PCDHA2: variants seen among roughly 807,000 people sequenced by gnomAD.
PCDHA2 encodes the protein protocadherin alpha-2.
A neutral mutation model predicts 66.0 loss-of-function variants in PCDHA2; 58 were observed. That is an observed-to-expected ratio of 0.88 (90% CI 0.71 to 1.09). The LOEUF is 1.09. Ranked by LOEUF, PCDHA2 falls within the 50% of genes least tolerant of loss-of-function variation. The pLI, the probability that PCDHA2 is intolerant of heterozygous loss-of-function variation, is 0.00. For missense variants in PCDHA2, 1,267 were observed against 1,242.3 expected (o/e 1.02, Z -0.30); for synonymous variants, 634 against 554.0 (o/e 1.14, Z -2.03).
intron 1 of PCDHA2, among the ~76,000 whole-genome samples, chr5:140,934,801 A>G (rs1470129792): frequency 1.3e-5 from 2 of 152,194 alleles, no homozygotes; most frequent in Non-Finnish European, 2.9e-5. Flanking sequence ...TATCTTTTTA[A>G]TGATCAAATT....
At chr5:140,934,129 T>G (rs150501213) in intron 1 of PCDHA2, among the ~76,000 whole-genome samples, 326 of 152,294 alleles carry the variant, frequency 2.1e-3, no homozygotes, top group African/African-American at 7.4e-3. Context: ...CTTTATTAAT[T>G]TATTTCCTTC....
At chr5:140,924,811 C>A (rs1209918868) in intron 1 of PCDHA2, among the ~76,000 whole-genome samples, 6 of 151,654 alleles carry the variant, frequency 4.0e-5, no homozygotes, top group Admixed American at 3.3e-4. Context: ...AAGAGAATCG[C>A]TTGAACCTGG....
At chr5:140,802,467 G>A (rs1279226863) in intron 1 of PCDHA2, 2 of 1,614,106 alleles carry the variant, frequency 1.2e-6, no homozygotes, top group Non-Finnish European at 1.7e-6. Context: ...CTATGAGCTG[G>A]TGGTGACTGC....
intron 1 of PCDHA2, among the ~76,000 whole-genome samples, chr5:140,871,917 C>T (rs1156778814): frequency 2.0e-5 from 3 of 152,178 alleles, no homozygotes; most frequent in Admixed American, 2.0e-4. Context: ...CTTGATATTT[C>T]CACATTGTTA....
intron 1 of PCDHA2, chr5:140,864,242 T>C (rs978090917): frequency 6.6e-6 from 1 of 152,208 alleles, no homozygotes; most frequent in Non-Finnish European, 1.5e-5. Flanking sequence ...TTATTCCTAT[T>C]CATTTTCTTA....
intron 3 of PCDHA2, among the ~76,000 whole-genome samples, chr5:140,990,850 T>C (rs528860965): frequency 3.3e-5 from 5 of 152,312 alleles, no homozygotes; most frequent in African/African-American, 1.2e-4. Context: ...AATAGAGCCC[T>C]GAGGACATTG....
intron 3 of PCDHA2, among the ~76,000 whole-genome samples, chr5:140,999,772 T>A (rs1186405321): frequency 6.6e-6 from 1 of 152,182 alleles, no homozygotes; most frequent in Non-Finnish European, 1.5e-5. Flanking sequence ...CTTTATACTC[T>A]TAACCTAGAA....
chr5:140,884,820 T>C (rs1318105542), intron 1 of PCDHA2: 4 of 1,013,184 alleles, frequency 3.9e-6, no homozygotes, highest in African/African-American at 3.3e-5. Context: ...GTGGACATTA[T>C]GTGTTGGATT....
At chr5:140,829,700 G>A (rs188962276) in intron 1 of PCDHA2, 3 of 1,613,364 alleles carry the variant, frequency 1.9e-6, no homozygotes, top group Non-Finnish European at 1.7e-6. Flanking sequence ...TCAGGTGAGC[G>A]CGCGCGACGC....
intron 1 of PCDHA2, among the ~76,000 whole-genome samples, chr5:140,908,277 T>C (rs2073893618): frequency 6.6e-6 from 1 of 152,162 alleles, no homozygotes; most frequent in Non-Finnish European, 1.5e-5. Context: ...CATGAGGCCA[T>C]TGTTGCAAGC....
intron 1 of PCDHA2, chr5:140,801,405 A>G (rs1762701122): frequency 6.2e-7 from 1 of 1,613,620 alleles, no homozygotes; most frequent in African/African-American, 1.3e-5. Flanking sequence ...GGCGTCCAAA[A>G]GACACGGGGA....
chr5:140,974,944 T>C (rs1216786290), intron 1 of PCDHA2, among the ~76,000 whole-genome samples: 1 of 152,210 alleles, frequency 6.6e-6, no homozygotes, highest in African/African-American at 2.4e-5. Context: ...ACCTATTTGT[T>C]ATCTCACAGT....
chr5:140,925,673 T>TAATAAA (rs2082657999), intron 1 of PCDHA2, among the ~76,000 whole-genome samples: 1 of 146,030 alleles, frequency 6.8e-6, no homozygotes, highest in Non-Finnish European at 1.5e-5. Context: ...ATAATAATAA[T>TAATAAA]AATAAAGCGA....
chr5:140,955,951 T>C (rs529805581), intron 1 of PCDHA2, among the ~76,000 whole-genome samples: 12 of 152,248 alleles, frequency 7.9e-5, no homozygotes, highest in South Asian at 2.1e-4. Context: ...GTCTACTTGC[T>C]TGTTGTTTGT....
rs1554204518 is a variant in PCDHA2 at position 140,927,427 on chromosome 5, G to A, written c.2389-51522G>A. Reference sequence around the variant, plus strand: ...CCTGGACATGGGATCGCGGGTTGACGGCAGCGAATACCCGGAGTTGGTGTT... The same window carrying A: ...CCTGGACATGGGATCGCGGGTTGACAGCAGCGAATACCCGGAGTTGGTGTT... On this transcript the variant is annotated intron_variant, in intron 1 of 3. Transcript: ENST00000526136. 1.2e-6 allele frequency: 2 copies of A among 1,614,114 alleles called. No homozygotes were observed. Among genetic ancestry groups the A allele is most frequent in the Non-Finnish European group, 1.7e-6 (2 of 1,179,974 alleles).
chr5:140,926,852 T>C, intron 1 of PCDHA2: 2 of 1,517,714 alleles, frequency 1.3e-6, no homozygotes, highest in Non-Finnish European at 1.8e-6. Flanking sequence ...GGGTCACCGT[T>C]GGTGTAGCGT....
chr5:140,967,800 TGGCA>T, intron 1 of PCDHA2: 1 of 1,614,174 alleles, frequency 6.2e-7, no homozygotes, highest in Non-Finnish European at 8.5e-7. Context: ...CCAGTGCCCA[TGGCA>T]GGTCACTGCA....
In PCDHA2 at chr5:140,803,346, CT is replaced by C. The variant is rs781805897; in HGVS notation, c.2388+5995del. 6 of 1,614,078 alleles carry C rather than the reference CT, an allele frequency of 3.7e-6. No individual in the cohort carries two copies. In the Admixed American group the frequency reaches 8.3e-5, roughly 22 times the overall value. ...CAGTCTGTTGGTGCTCACACTGCTG[CT>C]ATATACTGCTCTGCGGTGCTCCGCG... On this transcript the variant is annotated intron_variant, in intron 1 of 3. Coordinates refer to ENST00000526136, the MANE Select transcript of PCDHA2 (RefSeq NM_018905.3).
chr5:140,862,746 C>A, intron 1 of PCDHA2: 2 of 577,770 alleles, frequency 3.5e-6, no homozygotes, highest in East Asian at 9.5e-5. Flanking sequence ...TGTGGGTGCA[C>A]GCGGAGAGCG....
Sources: allele counts gnomAD v4.1 joint callset (sites outside exome capture counted in the v4.1 genomes callset), GRCh38; gene constraint gnomAD v4.1.1; transcripts MANE v1.5; gene names NCBI Gene and HGNC (gene_info 2026-07-23, HGNC 2026-07-21).